Variants in PLEKHG1 observed in about 807,000 individuals in gnomAD.
PLEKHG1 encodes the protein pleckstrin homology domain-containing family G member 1.
In PLEKHG1, 44 loss-of-function variants were observed where a neutral mutation model predicts 100.8. That is an observed-to-expected ratio of 0.44 (90% CI 0.34 to 0.56). The LOEUF is 0.56. Among genes scored for constraint, PLEKHG1 ranks in the 20% least tolerant of loss-of-function variants. PLEKHG1 has a pLI of 0.01. For synonymous variants in PLEKHG1, 640 were observed against 662.5 expected, an observed-to-expected ratio of 0.97 and a Z score of 0.52; for missense variants, 1,545 against 1,720.9, an observed-to-expected ratio of 0.90 and a Z score of 1.81.
chr6:150,693,749 G>A (rs1241908914), intron 3 of PLEKHG1, among the ~76,000 whole-genome samples: 1 of 152,200 alleles, frequency 6.6e-6, no homozygotes, highest in Non-Finnish European at 1.5e-5. Context: ...ATGTTGTTAT[G>A]TTCATAAATC....
At chr6:150,689,318 T>C (rs1780256004) in intron 3 of PLEKHG1, among the ~76,000 whole-genome samples, 1 of 152,232 alleles carries the variant, frequency 6.6e-6, no homozygotes, top group Non-Finnish European at 1.5e-5. Flanking sequence ...TGAAATCCTT[T>C]AAGTATTTTT....
chr6:150,643,178 C>G (rs1216955026), intron 2 of PLEKHG1, among the ~76,000 whole-genome samples: 1 of 152,092 alleles, frequency 6.6e-6, no homozygotes, highest in Non-Finnish European at 1.5e-5. Context: ...TGCCAGGTAA[C>G]TATGCCAACT....
intron 12 of PLEKHG1, among the ~76,000 whole-genome samples, chr6:150,820,164 G>A (rs1310657531): frequency 2.0e-5 from 3 of 151,672 alleles, no homozygotes; most frequent in Admixed American, 6.6e-5. Context: ...AGCCAAGATC[G>A]TGCCACTGCA....
intron 1 of PLEKHG1, among the ~76,000 whole-genome samples, chr6:150,726,540 C>A (rs1024002747): frequency 6.6e-6 from 1 of 152,146 alleles, no homozygotes; most frequent in South Asian, 2.1e-4. Flanking sequence ...ATATGTCTTT[C>A]ATCCAGCTTC....
At chr6:150,691,224 A>G (rs1780340058) in intron 3 of PLEKHG1, among the ~76,000 whole-genome samples, 1 of 152,066 alleles carries the variant, frequency 6.6e-6, no homozygotes, top group Non-Finnish European at 1.5e-5. Flanking sequence ...CTTTTATTTC[A>G]TTCTCTCTCC....
intron 3 of PLEKHG1, among the ~76,000 whole-genome samples, chr6:150,674,628 CCTCCCTCTCTCTCTCTCT>C (rs895958159): frequency 9.6e-5 from 5 of 51,898 alleles, no homozygotes; most frequent in Admixed American, 2.1e-4. Flanking sequence ...TTCTCTCTCT[CCTCCCTCTCTCTCTCTCT>C]CTCTCTCTCT....
In PLEKHG1 at chr6:150,800,870, G is replaced by A; in HGVS notation, c.780+1G>A. The A allele has an allele frequency of 1.2e-6, 2 of 1,613,632 alleles. No homozygotes were observed. The highest frequency in any genetic ancestry group is 1.7e-6 in the Non-Finnish European group (2 of 1,179,672). On this transcript the variant is annotated splice_donor_variant, in intron 6 of 15. Transcript: ENST00000358517. LOFTEE classifies it high-confidence loss of function. ...TCTCAAGTATCATCTCCTTCTGCAT[G>A]TAAGTTTCTGCCTGGCATGAGCACT...
exon 5 of PLEKHG1, chr6:150,795,856 A>T (rs1191269698): frequency 6.3e-6 from 10 of 1,592,638 alleles, no homozygotes; most frequent in Non-Finnish European, 8.6e-6. Context: ...TTCCTTGCAG[A>T]GTGAAGAGTT....
chr6:150,629,669 C>T (rs144901308), intron 1 of PLEKHG1, among the ~76,000 whole-genome samples: 1,877 of 152,232 alleles, frequency 0.012, 44 homozygotes, highest in African/African-American at 0.042. Context: ...CCATATTGGC[C>T]AGGATGGTCT....
intron 11 of PLEKHG1, among the ~76,000 whole-genome samples, chr6:150,819,233 A>T (rs1357251096): frequency 6.6e-6 from 1 of 151,518 alleles, no homozygotes; most frequent in Non-Finnish European, 1.5e-5. Context: ...AGCAGCAATT[A>T]TGGGAGGAGG....
At chr6:150,721,664 G>T (rs984054410) in intron 1 of PLEKHG1, among the ~76,000 whole-genome samples, 11 of 152,186 alleles carry the variant, frequency 7.2e-5, no homozygotes, top group African/African-American at 2.7e-4. Context: ...CTGCAGTGAT[G>T]AAGTTTAGTC....
intron 5 of PLEKHG1, among the ~76,000 whole-genome samples, chr6:150,799,282 A>G (rs571576297): frequency 4.7e-4 from 72 of 152,314 alleles, no homozygotes; most frequent in African/African-American, 1.6e-3. Flanking sequence ...ATTTCAGCCC[A>G]TCTGACAAAT....
chr6:150,792,504 C>T (rs1420291133), intron 4 of PLEKHG1, among the ~76,000 whole-genome samples: 1 of 151,752 alleles, frequency 6.6e-6, no homozygotes, highest in African/African-American at 2.4e-5. Context: ...TAAACCCCAT[C>T]TCTACTAAAG....
exon 15 of PLEKHG1, chr6:150,830,640 G>T (rs1776862595): frequency 2.5e-6 from 4 of 1,613,134 alleles, no homozygotes; most frequent in Non-Finnish European, 3.4e-6. Flanking sequence ...CCTGCCCAGA[G>T]AAATAGTCAG....
At chr6:150,631,550 G>A (rs1777748990) in intron 1 of PLEKHG1, among the ~76,000 whole-genome samples, 1 of 152,188 alleles carries the variant, frequency 6.6e-6, no homozygotes, top group Non-Finnish European at 1.5e-5. Flanking sequence ...GCATCTTTAG[G>A]TCAATATGCT....
At chr6:150,687,602 A>G (rs1231817339) in intron 3 of PLEKHG1, among the ~76,000 whole-genome samples, 1 of 152,128 alleles carries the variant, frequency 6.6e-6, no homozygotes, top group Non-Finnish European at 1.5e-5. Context: ...TGGACTCCTT[A>G]ATGGTACTTA....
chr6:150,742,880 AC>A (rs1782955251), intron 2 of PLEKHG1, among the ~76,000 whole-genome samples: 1 of 152,082 alleles, frequency 6.6e-6, no homozygotes, highest in Non-Finnish European at 1.5e-5. Flanking sequence ...TCATTCAAGG[AC>A]CCAGGCTGAG....
chr6:150,611,974 C>T (rs1473641892), intron 1 of PLEKHG1, among the ~76,000 whole-genome samples: 2 of 151,288 alleles, frequency 1.3e-5, no homozygotes, highest in Non-Finnish European at 1.5e-5. Context: ...GCACAATTGA[C>T]TCAAAGTCAC....
At chr6:150,606,558 T>A (rs182973130) in intron 1 of PLEKHG1, among the ~76,000 whole-genome samples, 1 of 152,170 alleles carries the variant, frequency 6.6e-6, no homozygotes, top group East Asian at 1.9e-4. Flanking sequence ...AGTAAAATAC[T>A]GCTGAAGTCT....
Sources: allele counts gnomAD v4.1 joint callset (sites outside exome capture counted in the v4.1 genomes callset), GRCh38; gene constraint gnomAD v4.1.1; transcripts MANE v1.5; gene names NCBI Gene and HGNC (gene_info 2026-07-23, HGNC 2026-07-21).